PCDHGB2: variants seen among roughly 807,000 people sequenced by gnomAD.
PCDHGB2 encodes protocadherin gamma-B2.
Under a neutral mutation model 59.3 loss-of-function variants are expected in PCDHGB2, and 55 were observed. That is an observed-to-expected ratio of 0.93 (90% CI 0.75 to 1.16). The LOEUF is 1.16. PCDHGB2 is among the 50% of genes most tolerant of loss of function. PCDHGB2 has a pLI of 0.00. For missense variants in PCDHGB2, 1,228 were observed against 1,198.5 expected, an observed-to-expected ratio of 1.02 and a Z score of -0.36; for synonymous variants, 516 against 512.0, an observed-to-expected ratio of 1.01 and a Z score of -0.11.
chr5:141,470,652 C>T (rs923672818), intron 1 of PCDHGB2, among the ~76,000 whole-genome samples: 1 of 152,100 alleles, frequency 6.6e-6, no homozygotes, highest in African/African-American at 2.4e-5. Context: ...AAGGCCCCTA[C>T]CCTTTGGTTA....
At chr5:141,377,813 T>C (rs1254239547) in intron 1 of PCDHGB2, 2 of 152,194 alleles carry the variant, frequency 1.3e-5, no homozygotes, top group African/African-American at 2.4e-5. Flanking sequence ...TGTTATTTAC[T>C]TGGGCCAGTT....
chr5:141,457,149 G>A (rs1016628234), intron 1 of PCDHGB2, among the ~76,000 whole-genome samples: 6 of 152,180 alleles, frequency 3.9e-5, no homozygotes, highest in African/African-American at 1.4e-4. Flanking sequence ...TCAGTTAGAA[G>A]GTGCTACCAT....
rs757019379 is a variant in PCDHGB2 at position 141,390,006 on chromosome 5, G to T, written c.2421+27450G>T. 4.5e-5 allele frequency: 73 copies of T among 1,613,888 alleles called. No individual in the cohort carries two copies. Among genetic ancestry groups the T allele is most frequent in the Admixed American group, 1.7e-5 (1 of 60,004 alleles). ...GCTCTTCCTCGTGGCCATGATTCTG[G>T]CCATTGCCTTGCGCCTGCGACGCTC... On this transcript the variant is annotated intron_variant, in intron 1 of 3. Transcript: ENST00000522605.
Position 141,386,264 on chromosome 5 carries a change from A to T in PCDHGB2, c.2421+23708A>T, listed in dbSNP as rs115810695. Among the ~76,000 whole-genome samples the T allele has an allele frequency of 6.0e-3, 910 of 152,346 alleles. 6 individuals are homozygous for T. Among genetic ancestry groups the T allele is most frequent in the African/African-American group, 0.02 (846 of 41,566 alleles). On this transcript the variant is annotated intron_variant, in intron 1 of 3. Coordinates refer to ENST00000522605, the MANE Select transcript of PCDHGB2 (RefSeq NM_018923.3). ...TTGGAAATAACCCAATCTGGGATTA[A>T]CTACTTCCATATTCTTTTGTATAAC...
intron 1 of PCDHGB2, chr5:141,366,197 A>G (rs1561536841): frequency 6.2e-7 from 1 of 1,613,780 alleles, no homozygotes. Context: ...TGGGCTGCAC[A>G]CGGGCGAGGT....
Position 141,476,019 on chromosome 5 carries a change from C to T in PCDHGB2, c.2422-18788C>T, listed in dbSNP as rs964061075. The T allele has an allele frequency of 3.9e-5, 54 of 1,390,282 alleles. 1 individual carries two copies. Among genetic ancestry groups the T allele is most frequent in the Non-Finnish European group, 4.9e-5 (51 of 1,034,212 alleles). 86.1% of individuals were successfully genotyped at this position (1,390,282 alleles called of 1,614,324 possible). A position where few individuals can be genotyped will look rare whatever the true frequency, so the allele number is the denominator to read the frequency against. Reference sequence around the variant, plus strand: ...ACGGCATCCAGAAAGCCATGTCGGACTCGGCGCCCAGCGCCCAAGCGCTAA... The same window carrying T: ...ACGGCATCCAGAAAGCCATGTCGGATTCGGCGCCCAGCGCCCAAGCGCTAA... On this transcript the variant is annotated intron_variant, in intron 1 of 3. Transcript: ENST00000522605. This position sits in a 1 kb window ranked among gnomAD's most constrained non-coding sequence, Gnocchi z 7.6.
intron 1 of PCDHGB2, chr5:141,478,899 T>A (rs905349011): frequency 9.7e-7 from 1 of 1,027,124 alleles, no homozygotes; most frequent in African/African-American, 1.6e-5. Context: ...ACATTAGGAA[T>A]AAGCTGCTGG....
intron 1 of PCDHGB2, chr5:141,422,576 CTCCCGTTTT>C: frequency 6.2e-7 from 1 of 1,614,034 alleles, no homozygotes; most frequent in African/African-American, 1.3e-5. Context: ...AACGATAACC[CTCCCGTTTT>C]TCCTCACTCC....
At chr5:141,403,131 C>A (rs1377543238) in intron 1 of PCDHGB2, 2 of 1,613,916 alleles carry the variant, frequency 1.2e-6, no homozygotes, top group East Asian at 4.5e-5. Context: ...CGGGAGCTGG[C>A]GGAGCGCCGA....
At chr5:141,389,133 A>G (rs1239484034) in intron 1 of PCDHGB2, 18 of 1,613,928 alleles carry the variant, frequency 1.1e-5, no homozygotes, top group Admixed American at 5.0e-5. Flanking sequence ...TCCAGAGTAC[A>G]ATATAACCGT....
At chr5:141,466,201 T>C (rs985163022) in intron 1 of PCDHGB2, among the ~76,000 whole-genome samples, 1 of 152,006 alleles carries the variant, frequency 6.6e-6, no homozygotes, top group African/African-American at 2.4e-5. Context: ...GACACAGCCT[T>C]GCTCTGTTAC....
chr5:141,508,919 C>T (rs1166086266), intron 3 of PCDHGB2, among the ~76,000 whole-genome samples: 1 of 151,996 alleles, frequency 6.6e-6, no homozygotes, highest in Non-Finnish European at 1.5e-5. Context: ...GATCTGGCTT[C>T]CTTTTGGAGT....
chr5:141,427,429 G>A (rs2097025761), intron 1 of PCDHGB2: 1 of 471,078 alleles, frequency 2.1e-6, no homozygotes, highest in African/African-American at 2.0e-5. Flanking sequence ...GAGGTTACAT[G>A]CCTCATAAAC....
intron 1 of PCDHGB2, chr5:141,375,808 G>A (rs992921332): frequency 6.2e-7 from 1 of 1,614,226 alleles, no homozygotes; most frequent in Non-Finnish European, 8.5e-7. Context: ...CCACTGGCGT[G>A]GAGCTGGCGC....
intron 1 of PCDHGB2, among the ~76,000 whole-genome samples, chr5:141,434,248 G>A (rs1347428778): frequency 2.0e-5 from 3 of 152,188 alleles, no homozygotes; most frequent in Non-Finnish European, 2.9e-5. Flanking sequence ...GATGACTTGG[G>A]CATTGTGGGG....
intron 1 of PCDHGB2, among the ~76,000 whole-genome samples, chr5:141,456,707 G>A (rs1198079338): frequency 6.6e-6 from 1 of 152,208 alleles, no homozygotes; most frequent in African/African-American, 2.4e-5. Context: ...GCTCGCGCCT[G>A]TAATCCCAGC....
At chr5:141,419,521 C>A (rs1418329404) in intron 1 of PCDHGB2, 1 of 1,612,240 alleles carries the variant, frequency 6.2e-7, no homozygotes, top group Non-Finnish European at 8.5e-7. Context: ...TGGTGGGCGA[C>A]CGTAACGACA....
intron 1 of PCDHGB2, chr5:141,421,983 T>G: frequency 6.2e-7 from 1 of 1,609,228 alleles, no homozygotes; most frequent in Non-Finnish European, 8.5e-7. Context: ...GCGTGAGTGT[T>G]CCAGAAAACA....
chr5:141,486,153 C>A lies in PCDHGB2; in HGVS notation c.2422-8654C>A, dbSNP rs1330257915. On this transcript the variant is annotated intron_variant, in intron 1 of 3. Coordinates refer to ENST00000522605, the MANE Select transcript of PCDHGB2 (RefSeq NM_018923.3). This position sits in a 1 kb window ranked among gnomAD's most constrained non-coding sequence, Gnocchi z 5.0. ...GATGTGCGGGCTCGCGATGGGGGTTCTCCAGCCATGGAGCAACATTGCAGC... is the reference window on the plus strand; with the variant it reads ...GATGTGCGGGCTCGCGATGGGGGTTATCCAGCCATGGAGCAACATTGCAGC... 6.2e-7 allele frequency: 1 copy of A among 1,614,202 alleles called. No individual in the cohort carries two copies. The highest frequency in any genetic ancestry group is 1.7e-5 in the Admixed American group (1 of 60,022).
Sources: allele counts gnomAD v4.1 joint callset (sites outside exome capture counted in the v4.1 genomes callset), GRCh38; gene constraint gnomAD v4.1.1; non-coding constraint Gnocchi (gnomAD v3.1); transcripts MANE v1.5; gene names NCBI Gene and HGNC (gene_info 2026-07-23, HGNC 2026-07-21).